The following VRK2 variants were observed in gnomAD, a reference collection of about 807,000 sequenced individuals.
The protein encoded by VRK2 is serine/threonine-protein kinase VRK2.
In VRK2, 60 loss-of-function variants were observed where a neutral mutation model predicts 57.6. The ratio of observed to expected loss-of-function variants is 1.04; its 90% CI spans 0.85 to 1.29. The LOEUF is 1.29. VRK2 is among the 50% of genes most tolerant of loss of function. The pLI, the probability that VRK2 is intolerant of heterozygous loss-of-function variation, is 0.00. For synonymous variants in VRK2, 231 were observed against 199.2 expected (o/e 1.16, Z -1.35); for missense variants, 705 against 588.1 (o/e 1.20, Z -2.06).
intron 1 of VRK2, among the ~76,000 whole-genome samples, chr2:58,000,089 C>T (rs1314620569): frequency 4.6e-5 from 7 of 152,124 alleles, no homozygotes; most frequent in Admixed American, 3.3e-4. Context: ...ACTAGCTTTT[C>T]CCCCATGCAT....
At chr2:57,908,531 T>C (rs1399914365) in intron 1 of VRK2, among the ~76,000 whole-genome samples, 1 of 152,050 alleles carries the variant, frequency 6.6e-6, no homozygotes, top group Non-Finnish European at 1.5e-5. Flanking sequence ...AAAAAAAAAC[T>C]TGAGCTCCAT....
intron 1 of VRK2, among the ~76,000 whole-genome samples, chr2:57,992,001 C>G (rs921295321): frequency 4.0e-5 from 6 of 151,446 alleles, no homozygotes; most frequent in Non-Finnish European, 8.8e-5. Flanking sequence ...GGCCCAATGT[C>G]TTTATTATTT....
intron 12 of VRK2, among the ~76,000 whole-genome samples, chr2:58,150,588 C>T (rs1682867976): frequency 1.5e-5 from 2 of 131,958 alleles, no homozygotes; most frequent in African/African-American, 3.0e-5. Flanking sequence ...AAAGACCAAC[C>T]TTTGGTTTTG....
chr2:58,018,124 C>G (rs1379284696), intron 1 of VRK2: 2 of 152,178 alleles, frequency 1.3e-5, no homozygotes, highest in Non-Finnish European at 2.9e-5. Flanking sequence ...TGCCTTGTAG[C>G]TGGGATTACA....
intron 1 of VRK2, among the ~76,000 whole-genome samples, chr2:57,939,304 A>G (rs1478114511): frequency 1.3e-5 from 2 of 152,162 alleles, no homozygotes; most frequent in Admixed American, 1.3e-4. Flanking sequence ...AAGTTGGTGT[A>G]ATTTTTATAT....
intron 10 of VRK2, among the ~76,000 whole-genome samples, chr2:58,136,956 T>C (rs1035220234): frequency 3.0e-5 from 4 of 134,190 alleles, no homozygotes; most frequent in African/African-American, 1.2e-4. Context: ...ATCATATATG[T>C]GTATATATAT....
At chr2:57,932,174 G>C (rs182984226) in intron 1 of VRK2, among the ~76,000 whole-genome samples, 31 of 150,520 alleles carry the variant, frequency 2.1e-4, no homozygotes, top group Non-Finnish European at 3.7e-4. Flanking sequence ...TCCTTGTTTT[G>C]TCCTTGTCTG....
intron 7 of VRK2, among the ~76,000 whole-genome samples, chr2:58,106,260 ATTT>A: frequency 6.6e-6 from 1 of 152,078 alleles, no homozygotes; most frequent in African/African-American, 2.4e-5. Context: ...AGGTGAAGGT[ATTT>A]TTAGTAAAGA....
At chr2:58,028,322 AAAG>A (rs1200470284) in intron 2 of VRK2, 2 of 152,208 alleles carry the variant, frequency 1.3e-5, no homozygotes, top group Admixed American at 6.5e-5. Flanking sequence ...TCAGGAATAT[AAAG>A]AAGAGAAGTG....
intron 1 of VRK2, among the ~76,000 whole-genome samples, chr2:57,909,564 AAAAC>A (rs1302287705): frequency 3.3e-5 from 5 of 152,172 alleles, no homozygotes; most frequent in African/African-American, 1.2e-4. Context: ...TCAGGATGCA[AAAAC>A]AAACAAAGAT....
intron 3 of VRK2, 130 bp downstream of exon 3, chr2:58,084,268 A>T (rs1243566288): frequency 1.0e-6 from 1 of 955,364 alleles, no homozygotes; most frequent in Non-Finnish European, 1.5e-6. Flanking sequence ...ATCTGTTTTG[A>T]CGTTGTTAAA....
intron 1 of VRK2, among the ~76,000 whole-genome samples, chr2:57,919,350 A>G (rs1451078643): frequency 2.0e-5 from 3 of 152,246 alleles, no homozygotes; most frequent in Admixed American, 1.3e-4. Context: ...AAAAGTATAA[A>G]AAGTGTTATT....
At chr2:58,120,338 G>A (rs1329442974) in intron 7 of VRK2, among the ~76,000 whole-genome samples, 1 of 151,408 alleles carries the variant, frequency 6.6e-6, no homozygotes, top group Non-Finnish European at 1.5e-5. Context: ...TTACAAATGT[G>A]CACCACCATG....
At chr2:57,938,363 G>C (rs1174398355) in intron 1 of VRK2, among the ~76,000 whole-genome samples, 1 of 152,138 alleles carries the variant, frequency 6.6e-6, no homozygotes, top group Non-Finnish European at 1.5e-5. Flanking sequence ...CACAGTCTTG[G>C]AAATCTTCAA....
rs201516911 is a variant in VRK2 at position 58,135,441 on chromosome 2, CTTTTT to C, written c.856+254_856+258del. On this transcript the variant is annotated intron_variant, in intron 10 of 12. Coordinates refer to ENST00000340157, the MANE Select transcript of VRK2 (RefSeq NM_006296.7). ...GGAAAATTCTAGGTTCTGCTTAGTG[CTTTTT>C]TTTTTTTTTTTAAGATCTCTATTTT... Among the ~76,000 whole-genome samples the C allele has an allele frequency of 3.8e-5, 5 of 130,466 alleles. No individual in the cohort carries two copies. The East Asian group carries it at 6.7e-4, about 17-fold the overall frequency. 85.6% of individuals were successfully genotyped at this position (130,466 alleles called of 152,430 possible).
At chr2:58,137,192 A>ATAT (rs1553422428) in intron 10 of VRK2, among the ~76,000 whole-genome samples, 18 of 55,084 alleles carry the variant, frequency 3.3e-4, no homozygotes, top group African/African-American at 2.5e-3. Context: ...CATATATGAT[A>ATAT]CATATATATC....
intron 11 of VRK2, among the ~76,000 whole-genome samples, chr2:58,140,888 G>C (rs905291375): frequency 2.6e-5 from 4 of 151,988 alleles, no homozygotes; most frequent in African/African-American, 9.7e-5. Context: ...TAATAGAAGA[G>C]AATATCTGTT....
chr2:57,929,190 A>C (rs1401856611), intron 1 of VRK2, among the ~76,000 whole-genome samples: 1 of 152,210 alleles, frequency 6.6e-6, no homozygotes, highest in Admixed American at 6.5e-5. Flanking sequence ...GCTGTCCAGG[A>C]GCCAGGACTT....
chr2:58,106,165 C>A (rs1370390995), intron 7 of VRK2, among the ~76,000 whole-genome samples: 3 of 151,704 alleles, frequency 2.0e-5, no homozygotes, highest in African/African-American at 7.3e-5. Context: ...TTGAGAGTAT[C>A]ATAGGTTTTT....
Sources: gnomAD v4.1 joint callset for allele counts (sites outside exome capture counted in the v4.1 genomes callset) on GRCh38, gnomAD v4.1.1 for gene constraint, MANE v1.5 for transcripts, NCBI Gene and HGNC (gene_info 2026-07-23, HGNC 2026-07-21) for gene names.